GRAMD1C: variants seen among roughly 807,000 people sequenced by gnomAD.
GRAMD1C encodes the protein GRAM domain containing 1C, also known as protein Aster-C.
Under a neutral mutation model 97.8 loss-of-function variants are expected in GRAMD1C, and 89 were observed. That is an observed-to-expected ratio of 0.91 (90% CI 0.77 to 1.09). The LOEUF (loss-of-function observed/expected upper bound fraction) is 1.09. Ranked by LOEUF, GRAMD1C falls within the 50% of genes least tolerant of loss-of-function variation. The pLI is 0.00. For synonymous variants in GRAMD1C, 256 were observed against 267.0 expected, an observed-to-expected ratio of 0.96 and a Z score of 0.40; for missense variants, 740 against 766.4, an observed-to-expected ratio of 0.97 and a Z score of 0.41.
In GRAMD1C at chr3:113,936,456, G is replaced by A; in HGVS notation, c.1633+14G>A. 2 of 1,534,554 alleles carry A rather than the reference G, an allele frequency of 1.3e-6. No homozygotes were observed. Among genetic ancestry groups the A allele is most frequent in the Non-Finnish European group, 1.8e-6 (2 of 1,124,162 alleles). ...GGGATATTACAGGTAGTTGTCACCTGGTAAACAGAGATGAAAGATTTTTAC... is the reference window on the plus strand; with the variant it reads ...GGGATATTACAGGTAGTTGTCACCTAGTAAACAGAGATGAAAGATTTTTAC... On this transcript the variant is annotated intron_variant, in intron 14 of 17. Transcript: ENST00000358160.
intron 4 of GRAMD1C, 54 bp downstream of exon 4, chr3:113,875,641 A>AC: frequency 1.2e-6 from 1 of 803,298 alleles, no homozygotes; most frequent in Non-Finnish European, 2.2e-6. Flanking sequence ...AGAGATATAT[A>AC]CAGTTCTTCC....
chr3:113,887,086 T>TTTTTG (rs1559795604), intron 6 of GRAMD1C, among the ~76,000 whole-genome samples: 20 of 61,376 alleles, frequency 3.3e-4, no homozygotes, highest in South Asian at 1.1e-3. Context: ...GGCCTTTTTG[T>TTTTTG]TTTTTTTTTG....
chr3:113,888,929 T>TG (rs1253113201), intron 6 of GRAMD1C, among the ~76,000 whole-genome samples: 12 of 152,248 alleles, frequency 7.9e-5, no homozygotes, highest in Non-Finnish European at 1.8e-4. Context: ...TGACCTGGTG[T>TG]GGTGGCTCAT....
At chr3:113,892,333 G>A (rs534333341) in intron 6 of GRAMD1C, among the ~76,000 whole-genome samples, 8 of 151,960 alleles carry the variant, frequency 5.3e-5, no homozygotes, top group East Asian at 1.9e-4. Context: ...TCAGCTGCGC[G>A]TGGTGGCAGG....
At chr3:113,859,360 GTGT>G (rs1180782127) in intron 2 of GRAMD1C, among the ~76,000 whole-genome samples, 1 of 152,098 alleles carries the variant, frequency 6.6e-6, no homozygotes, top group Non-Finnish European at 1.5e-5. Context: ...ATCTAGAAGT[GTGT>G]TGTTTAGTTT....
intron 9 of GRAMD1C, among the ~76,000 whole-genome samples, chr3:113,914,687 T>C (rs907030964): frequency 1.3e-5 from 2 of 152,180 alleles, no homozygotes; most frequent in African/African-American, 2.4e-5. Context: ...TTGGTTTTTT[T>C]TTTTTCTTTT....
upstream of GRAMD1C, among the ~76,000 whole-genome samples, chr3:113,838,219 C>T (rs1420501039): frequency 1.3e-5 from 2 of 152,084 alleles, no homozygotes; most frequent in Non-Finnish European, 2.9e-5. Context: ...TTTACAGAAC[C>T]AAGAATCTGC....
chr3:113,829,233 G>A (rs148525814), intron 1 of GRAMD1C, among the ~76,000 whole-genome samples: 43 of 152,102 alleles, frequency 2.8e-4, no homozygotes, highest in Admixed American at 2.6e-3. Flanking sequence ...ACCAGTCTGG[G>A]CAACATAGGG....
intron 3 of GRAMD1C, among the ~76,000 whole-genome samples, chr3:113,872,087 C>G (rs1934838419): frequency 6.6e-6 from 1 of 152,100 alleles, no homozygotes; most frequent in Admixed American, 6.6e-5. Flanking sequence ...TTTTTAAAAA[C>G]ATTGCTTATT....
chr3:113,842,657 A>G (rs2399490), intron 1 of GRAMD1C, among the ~76,000 whole-genome samples: 70,916 of 151,890 alleles, frequency 0.47, 16,775 homozygotes, highest in African/African-American at 0.51. Context: ...ATGGTTATTT[A>G]TAGGGTTTAA....
intron 8 of GRAMD1C, among the ~76,000 whole-genome samples, chr3:113,906,831 A>C (rs1195572185): frequency 6.6e-6 from 1 of 152,054 alleles, no homozygotes; most frequent in East Asian, 1.9e-4. Flanking sequence ...CCATTTTCTA[A>C]ATCTTTTGTA....
rs540291343 is a variant in GRAMD1C at position 113,841,370 on chromosome 3, C to T, written c.27+2434C>T. Reference sequence around the variant, plus strand: ...GCACAATCTCAGCTCACCGCAACCTCCACCTCCCGGGTTCAAGCAATTCTC... The same window carrying T: ...GCACAATCTCAGCTCACCGCAACCTTCACCTCCCGGGTTCAAGCAATTCTC... On this transcript the variant is annotated intron_variant, in intron 1 of 17. Transcript: ENST00000358160. Among the ~76,000 whole-genome samples, 35 of 149,412 alleles carry T rather than the reference C, an allele frequency of 2.3e-4. No individual in the cohort carries two copies. In the South Asian group the frequency reaches 6.1e-3, roughly 26 times the overall value.
At chr3:113,918,899 T>C (rs1936932800) in intron 10 of GRAMD1C, among the ~76,000 whole-genome samples, 1 of 152,188 alleles carries the variant, frequency 6.6e-6, no homozygotes, top group South Asian at 2.1e-4. Flanking sequence ...TCTCCCTATG[T>C]TGCCCAGGCT....
intron 10 of GRAMD1C, among the ~76,000 whole-genome samples, chr3:113,918,892 C>T (rs564540848): frequency 6.6e-6 from 1 of 152,188 alleles, no homozygotes; most frequent in African/African-American, 2.4e-5. Flanking sequence ...ACAAGTGTCT[C>T]CCTATGTTGC....
At chr3:113,925,681 C>G (rs550702427) in intron 10 of GRAMD1C, among the ~76,000 whole-genome samples, 1 of 152,122 alleles carries the variant, frequency 6.6e-6, no homozygotes, top group African/African-American at 2.4e-5. Context: ...TGTCAATGGT[C>G]TATGTACTTA....
At chr3:113,883,409 C>T (rs1024539474) in intron 6 of GRAMD1C, among the ~76,000 whole-genome samples, 47 of 151,954 alleles carry the variant, frequency 3.1e-4, no homozygotes, top group African/African-American at 1.1e-3. Flanking sequence ...CCTGTAGTCC[C>T]AGCTACTTGG....
chr3:113,844,555 AG>A lies in GRAMD1C; in HGVS notation c.82del (p.Glu28LysfsTer13). The A allele has an allele frequency of 1.2e-6, 2 of 1,606,054 alleles. No individual in the cohort carries two copies. ...GCCACCGACTTACAGGAAGATGTAG[AG>A]GAAAATCCTAGTCCAACTGTGGAAG... Reference protein sequence around the residue: ...SLATDLQEDVEENPSPTVEEN... With the variant: ...SLATDLQEDVXENPSPTVEEN... On this transcript the variant is annotated frameshift_variant, in exon 2 of 18. Transcript: ENST00000358160. LOFTEE classifies it high-confidence loss of function.
intron 7 of GRAMD1C, 93 bp downstream of exon 7, chr3:113,901,239 T>C: frequency 1.4e-6 from 1 of 720,234 alleles, no homozygotes; most frequent in Non-Finnish European, 2.4e-6. Context: ...TTCTAGTAAT[T>C]TATCTTTGGC....
intron 5 of GRAMD1C, among the ~76,000 whole-genome samples, chr3:113,877,555 A>G (rs1055123884): frequency 2.0e-5 from 3 of 152,022 alleles, no homozygotes; most frequent in Admixed American, 2.0e-4. Flanking sequence ...ATATCTCTCA[A>G]TTTGTGTTTG....
Sources: allele counts gnomAD v4.1 joint callset (sites outside exome capture counted in the v4.1 genomes callset), GRCh38; gene constraint gnomAD v4.1.1; transcripts MANE v1.5; gene names NCBI Gene and HGNC (gene_info 2026-07-23, HGNC 2026-07-21).